GRXCR1: variants seen among roughly 807,000 people sequenced by gnomAD.
GRXCR1 encodes the protein glutaredoxin domain-containing cysteine-rich protein 1.
In GRXCR1, 27 loss-of-function variants were observed where a neutral mutation model predicts 27.3. The ratio of observed to expected loss-of-function variants is 0.99; its 90% CI spans 0.73 to 1.37. The LOEUF is 1.37. Among genes scored for constraint, GRXCR1 ranks in the 40% most tolerant of loss-of-function variants. GRXCR1 has a pLI of 0.00. For missense variants in GRXCR1, 379 were observed against 354.4 expected (o/e 1.07, Z -0.56); for synonymous variants, 122 against 131.1 (o/e 0.93, Z 0.47).
At chr4:42,970,101 C>T (rs553372027) in intron 2 of GRXCR1, among the ~76,000 whole-genome samples, 14 of 152,166 alleles carry the variant, frequency 9.2e-5, no homozygotes, top group Non-Finnish European at 1.6e-4. Flanking sequence ...CCATGTCTCA[C>T]ATCCAGGGTA....
chr4:42,939,056 A>G (rs1304855623), intron 1 of GRXCR1, among the ~76,000 whole-genome samples: 2 of 152,060 alleles, frequency 1.3e-5, no homozygotes, highest in Non-Finnish European at 2.9e-5. Context: ...TGTCATCAGT[A>G]TTTTGATAGG....
Position 42,943,608 on chromosome 4 carries a change from C to G in GRXCR1, c.385-19284C>G, listed in dbSNP as rs114284046. ...TCTAGAGCACGGAAAACAACTAAAC[C>G]AAAGTTATGAAAATGAGAACAACAA... On this transcript the variant is annotated intron_variant, in intron 1 of 3. Transcript: ENST00000399770. Among the ~76,000 whole-genome samples the G allele has an allele frequency of 7.3e-3, 1,109 of 151,980 alleles. 15 individuals carry two copies. The highest frequency in any genetic ancestry group is 0.026 in the African/African-American group (1,064 of 41,446).
intron 1 of GRXCR1, among the ~76,000 whole-genome samples, chr4:42,919,344 T>C (rs1048341300): frequency 3.9e-5 from 6 of 152,162 alleles, no homozygotes; most frequent in African/African-American, 1.4e-4. Flanking sequence ...ACCTGGCCCA[T>C]GTCCTTCATG....
Position 43,001,827 on chromosome 4 carries a change from T to C in GRXCR1, c.628-18527T>C, listed in dbSNP as rs557854583. Among the ~76,000 whole-genome samples the C allele has an allele frequency of 2.3e-5, 3 of 127,830 alleles. No individual in the cohort carries two copies. The South Asian group carries it at 7.8e-4, about 33-fold the overall frequency. 83.9% of individuals were successfully genotyped at this position (127,830 alleles called of 152,430 possible). On this transcript the variant is annotated intron_variant, in intron 2 of 3. Coordinates refer to ENST00000399770, the MANE Select transcript of GRXCR1 (RefSeq NM_001080476.3). ...TCCCTCAGTTTTTATTGATTATTAT[T>C]TTCATTATTTCAGCAAAAAGGAATG...
intron 2 of GRXCR1, among the ~76,000 whole-genome samples, chr4:42,967,346 G>C (rs1252803096): frequency 1.3e-5 from 2 of 152,046 alleles, no homozygotes; most frequent in African/African-American, 4.8e-5. Context: ...TCAAAGATGA[G>C]TTGACTATGT....
At chr4:43,020,537 A>G in intron 3 of GRXCR1, 118 bp downstream of exon 3, 1 of 729,860 alleles carries the variant, frequency 1.4e-6, no homozygotes. Flanking sequence ...ATGCAATAGG[A>G]TACATGTGGC....
At chr4:42,954,945 A>C (rs1379121094) in intron 1 of GRXCR1, among the ~76,000 whole-genome samples, 1 of 152,164 alleles carries the variant, frequency 6.6e-6, no homozygotes, top group East Asian at 1.9e-4. Context: ...TATTTACTCA[A>C]ATTTAGTATT....
intron 2 of GRXCR1, among the ~76,000 whole-genome samples, chr4:42,985,543 A>G (rs1184383633): frequency 2.6e-5 from 4 of 152,118 alleles, no homozygotes; most frequent in Non-Finnish European, 5.9e-5. Context: ...GCTTTAGTTG[A>G]TAATAAACGC....
intron 3 of GRXCR1, among the ~76,000 whole-genome samples, chr4:43,024,773 G>A (rs1388496455): frequency 2.6e-5 from 4 of 152,092 alleles, no homozygotes; most frequent in South Asian, 2.1e-4. Context: ...AGAGTTTGCT[G>A]AATTAAATTT....
chr4:43,001,480 C>T (rs937126361), intron 2 of GRXCR1, among the ~76,000 whole-genome samples: 1 of 152,128 alleles, frequency 6.6e-6, no homozygotes, highest in African/African-American at 2.4e-5. Flanking sequence ...ATGTGTTCTT[C>T]ACTCTGAGGA....
At chr4:42,957,521 C>A (rs1481156729) in intron 1 of GRXCR1, among the ~76,000 whole-genome samples, 1 of 151,936 alleles carries the variant, frequency 6.6e-6, no homozygotes, top group African/African-American at 2.4e-5. Flanking sequence ...CTACCCCAAT[C>A]CCTCTCTCTC....
intron 2 of GRXCR1, among the ~76,000 whole-genome samples, chr4:43,004,190 C>G (rs12506052): frequency 0.12 from 18,623 of 152,280 alleles, 1,451 homozygotes; most frequent in Middle Eastern, 0.23. Context: ...AAGCCTCAAG[C>G]CTTGGTGGCA....
At chr4:42,977,616 T>C (rs1216155188) in intron 2 of GRXCR1, among the ~76,000 whole-genome samples, 2 of 152,024 alleles carry the variant, frequency 1.3e-5, no homozygotes, top group African/African-American at 4.8e-5. Flanking sequence ...CTTCTTTTGA[T>C]AAATATCTGT....
chr4:42,963,237 C>A, intron 2 of GRXCR1, 103 bp downstream of exon 2: 1 of 1,410,030 alleles, frequency 7.1e-7, no homozygotes, highest in Non-Finnish European at 1.0e-6. Flanking sequence ...GGAACACTTG[C>A]TGGTTTTTTT....
intron 1 of GRXCR1, among the ~76,000 whole-genome samples, chr4:42,918,119 A>G (rs1473895020): frequency 1.3e-5 from 2 of 152,152 alleles, no homozygotes; most frequent in African/African-American, 4.8e-5. Context: ...TGGGAAGTCC[A>G]AGATCAATGT....
chr4:42,955,573 G>A (rs1747982977), intron 1 of GRXCR1, among the ~76,000 whole-genome samples: 1 of 152,126 alleles, frequency 6.6e-6, no homozygotes, highest in Admixed American at 6.6e-5. Flanking sequence ...TCAAGGATAT[G>A]AGGATACTTA....
rs576326786 is a variant in GRXCR1 at position 42,989,913 on chromosome 4, A to G, written c.627+26779A>G. On this transcript the variant is annotated intron_variant, in intron 2 of 3. Transcript: ENST00000399770. ...TTAAACTCTGAAGGAAGGTATTAAT[A>G]TATTATCATTTTCCATATTTATATG... Among the ~76,000 whole-genome samples, 5 of 152,208 alleles carry G rather than the reference A, an allele frequency of 3.3e-5. No individual in the cohort carries two copies. The East Asian group carries it at 9.6e-4, about 29-fold the overall frequency.
intron 1 of GRXCR1, among the ~76,000 whole-genome samples, chr4:42,894,735 C>A (rs1746310987): frequency 6.6e-6 from 1 of 151,976 alleles, no homozygotes; most frequent in South Asian, 2.1e-4. Context: ...AAGAATTTTA[C>A]ATATTGGGGT....
intron 1 of GRXCR1, among the ~76,000 whole-genome samples, chr4:42,916,718 C>T (rs1254959184): frequency 6.6e-6 from 1 of 152,082 alleles, no homozygotes; most frequent in African/African-American, 2.4e-5. Context: ...CTCTACTGTA[C>T]AGCCATTTTC....
Sources: gnomAD v4.1 joint callset for allele counts (sites outside exome capture counted in the v4.1 genomes callset) on GRCh38, gnomAD v4.1.1 for gene constraint, MANE v1.5 for transcripts, NCBI Gene and HGNC (gene_info 2026-07-23, HGNC 2026-07-21) for gene names.